PARD3B: variants seen among roughly 807,000 people sequenced by gnomAD.
PARD3B encodes partitioning defective 3 homolog B.
PARD3B carries 103 observed loss-of-function variants against 130.2 expected under a neutral mutation model. The observed-to-expected ratio is 0.79, with a 90% CI of 0.67 to 0.93. The LOEUF is 0.93. Among genes scored for constraint, PARD3B ranks in the 40% least tolerant of loss-of-function variants. The probability of loss-of-function intolerance (pLI) is 0.00; values close to 1 mark genes in which losing one functional copy is unlikely to be tolerated. For missense variants in PARD3B, 1,609 were observed against 1,499.2 expected, an observed-to-expected ratio of 1.07 and a Z score of -1.21; for synonymous variants, 583 against 553.2, an observed-to-expected ratio of 1.05 and a Z score of -0.76.
chr2:205,267,027 T>C (rs2040533652), intron 16 of PARD3B, among the ~76,000 whole-genome samples: 1 of 152,176 alleles, frequency 6.6e-6, no homozygotes. Flanking sequence ...TCTCAAACAA[T>C]TTGAAATATC....
At chr2:204,568,236 T>C (rs988615826) in intron 1 of PARD3B, among the ~76,000 whole-genome samples, 3 of 152,206 alleles carry the variant, frequency 2.0e-5, no homozygotes, top group Non-Finnish European at 4.4e-5. Context: ...TGAAACTCTT[T>C]CCATAGGTGG....
chr2:204,624,753 G>A (rs1216922069), intron 1 of PARD3B, among the ~76,000 whole-genome samples: 1 of 152,102 alleles, frequency 6.6e-6, no homozygotes, highest in Non-Finnish European at 1.5e-5. Flanking sequence ...AAGGCCCAGG[G>A]ATGTGATCTC....
At chr2:205,443,484 A>G (rs1385534056) in intron 20 of PARD3B, among the ~76,000 whole-genome samples, 3 of 152,218 alleles carry the variant, frequency 2.0e-5, no homozygotes, top group African/African-American at 7.2e-5. Context: ...GTAGAAATGG[A>G]TCATTGCATT....
At chr2:205,155,459 C>G (rs1463314590) in intron 10 of PARD3B, among the ~76,000 whole-genome samples, 2 of 151,968 alleles carry the variant, frequency 1.3e-5, no homozygotes, top group Non-Finnish European at 2.9e-5. Context: ...GCCAGTGGAG[C>G]AGTAATACCT....
In PARD3B at chr2:205,119,513, G is replaced by T. The variant is rs571415943; in HGVS notation, c.806+467G>T. On this transcript the variant is annotated intron_variant, in intron 7 of 22. Transcript: ENST00000406610. ...ATACCGTCTCCTGGCCAGGCGGAGT[G>T]GTTCATGCCTGTAATCCCAGCATTT... Among the ~76,000 whole-genome samples, 3 of 152,230 alleles carry T rather than the reference G, an allele frequency of 2.0e-5. No individual in the cohort carries two copies. In the East Asian group the frequency reaches 5.8e-4, roughly 30 times the overall value.
chr2:204,938,181 G>A (rs1202364869), intron 2 of PARD3B, among the ~76,000 whole-genome samples: 1 of 152,154 alleles, frequency 6.6e-6, no homozygotes. Context: ...GGGGAAAAAA[G>A]TCATTGTGAC....
chr2:204,607,539 G>A (rs1408670350), intron 1 of PARD3B, among the ~76,000 whole-genome samples: 1 of 152,196 alleles, frequency 6.6e-6, no homozygotes, highest in Admixed American at 6.6e-5. Context: ...GTAAGGACTA[G>A]AAAGCAGTGC....
At chr2:204,716,870 C>T (rs1039039429) in intron 2 of PARD3B, among the ~76,000 whole-genome samples, 5 of 152,098 alleles carry the variant, frequency 3.3e-5, no homozygotes, top group African/African-American at 9.7e-5. Context: ...GATCTGCCTG[C>T]GTCGGCCTCC....
At chr2:205,298,682 T>C (rs961647812) in intron 16 of PARD3B, among the ~76,000 whole-genome samples, 2 of 152,216 alleles carry the variant, frequency 1.3e-5, no homozygotes, top group African/African-American at 2.4e-5. Flanking sequence ...GATGAAACTA[T>C]AACGCAACAT....
chr2:205,103,682 G>A, intron 4 of PARD3B: 4 of 984,682 alleles, frequency 4.1e-6, no homozygotes, highest in South Asian at 9.4e-5. Flanking sequence ...CCCTGTTAGG[G>A]AACAGCTCTG....
intron 2 of PARD3B, among the ~76,000 whole-genome samples, chr2:204,856,368 T>G (rs1295500547): frequency 6.6e-6 from 1 of 152,218 alleles, no homozygotes; most frequent in East Asian, 1.9e-4. Context: ...CCTGTTCAGA[T>G]CCTTTGCCCA....
At chr2:204,650,981 G>A (rs750415308) in intron 1 of PARD3B, among the ~76,000 whole-genome samples, 1 of 152,144 alleles carries the variant, frequency 6.6e-6, no homozygotes, top group Non-Finnish European at 1.5e-5. Flanking sequence ...AACAGCAAGT[G>A]GGAAGTCCAC....
At chr2:204,549,235 A>G (rs566230591) in intron 1 of PARD3B, among the ~76,000 whole-genome samples, 3 of 152,246 alleles carry the variant, frequency 2.0e-5, no homozygotes, top group East Asian at 3.9e-4. Flanking sequence ...GATGAACTCC[A>G]TTGGAAACGT....
chr2:205,104,347 T>A, intron 4 of PARD3B, 79 bp from the exon 5 acceptor site: 2 of 1,040,588 alleles, frequency 1.9e-6, no homozygotes, highest in South Asian at 1.3e-5. Context: ...CGGTTTACTC[T>A]CCCATATTGG....
At chr2:204,931,235 A>C (rs1575338844) in intron 2 of PARD3B, among the ~76,000 whole-genome samples, 1 of 152,108 alleles carries the variant, frequency 6.6e-6, no homozygotes, top group Non-Finnish European at 1.5e-5. Context: ...CCTGTAAGCT[A>C]TTTGAGCTCA....
intron 2 of PARD3B, among the ~76,000 whole-genome samples, chr2:204,763,044 G>T (rs2040977931): frequency 6.6e-6 from 1 of 152,190 alleles, no homozygotes; most frequent in African/African-American, 2.4e-5. Flanking sequence ...ACATGCGTGA[G>T]CCACTGCGCC....
intron 1 of PARD3B, among the ~76,000 whole-genome samples, chr2:204,598,058 T>C (rs1270366950): frequency 6.6e-6 from 1 of 152,146 alleles, no homozygotes; most frequent in Non-Finnish European, 1.5e-5. Context: ...GAATTTGATA[T>C]TGACCAGTTA....
At chr2:205,607,471 G>A (rs2055042744) in intron 22 of PARD3B, among the ~76,000 whole-genome samples, 1 of 152,068 alleles carries the variant, frequency 6.6e-6, no homozygotes, top group African/African-American at 2.4e-5. Context: ...GTGTGACTTT[G>A]ATCACATTAT....
At chr2:205,548,082 A>T (rs112333817) in intron 21 of PARD3B, among the ~76,000 whole-genome samples, 17 of 152,134 alleles carry the variant, frequency 1.1e-4, no homozygotes, top group African/African-American at 3.9e-4. Flanking sequence ...TTCTGAACCA[A>T]CTACTTTTTC....
Sources: allele counts gnomAD v4.1 joint callset (sites outside exome capture counted in the v4.1 genomes callset), GRCh38; gene constraint gnomAD v4.1.1; transcripts MANE v1.5; gene names NCBI Gene and HGNC (gene_info 2026-07-23, HGNC 2026-07-21).